The following PRKN variants were observed in gnomAD, a reference collection of about 807,000 sequenced individuals.
PRKN encodes parkin RBR E3 ubiquitin protein ligase, also known as E3 ubiquitin-protein ligase parkin.
In PRKN, 56 loss-of-function variants were observed where a neutral mutation model predicts 59.5. That is an observed-to-expected ratio of 0.94 (90% CI 0.76 to 1.18). The LOEUF (loss-of-function observed/expected upper bound fraction) is 1.18. Among genes scored for constraint, PRKN ranks in the 50% most tolerant of loss-of-function variants. The pLI, the probability that PRKN is intolerant of heterozygous loss-of-function variation, is 0.00. For missense variants in PRKN, 657 were observed against 596.4 expected (o/e 1.10, Z -1.06); for synonymous variants, 250 against 222.1 (o/e 1.13, Z -1.12).
chr6:162,539,788 CAAATT>C (rs750596659), intron 1 of PRKN, among the ~76,000 whole-genome samples: 10 of 152,214 alleles, frequency 6.6e-5, no homozygotes, highest in Non-Finnish European at 1.2e-4. Context: ...AGTAAACTCT[CAAATT>C]AAACAGTGAA....
At chr6:161,776,767 A>T (rs946753726) in intron 7 of PRKN, among the ~76,000 whole-genome samples, 4 of 152,234 alleles carry the variant, frequency 2.6e-5, no homozygotes, top group African/African-American at 7.2e-5. Flanking sequence ...AAGCAGGAGT[A>T]CGGAGCTCTG....
At chr6:161,658,015 C>CAAAA (rs60685690) in intron 7 of PRKN, among the ~76,000 whole-genome samples, 163 of 60,782 alleles carry the variant, frequency 2.7e-3, no homozygotes, top group African/African-American at 4.3e-3. Flanking sequence ...GACTCTGTCT[C>CAAAA]AAAAAAAAAA....
intron 7 of PRKN, among the ~76,000 whole-genome samples, chr6:161,714,207 A>G (rs998305880): frequency 8.5e-5 from 13 of 152,196 alleles, no homozygotes; most frequent in African/African-American, 2.9e-4. Context: ...GATGCTGAAA[A>G]GAGGGGAAGA....
intron 6 of PRKN, among the ~76,000 whole-genome samples, chr6:161,804,006 G>C (rs1462326522): frequency 6.6e-6 from 1 of 152,202 alleles, no homozygotes; most frequent in Non-Finnish European, 1.5e-5. Context: ...TCAGACACAT[G>C]GGGGGTGGCA....
chr6:162,134,163 A>G (rs1781480974), intron 4 of PRKN, among the ~76,000 whole-genome samples: 1 of 152,194 alleles, frequency 6.6e-6, no homozygotes, highest in Non-Finnish European at 1.5e-5. Context: ...CACATGGTCC[A>G]AGACAGCATG....
intron 4 of PRKN, among the ~76,000 whole-genome samples, chr6:162,198,089 A>C (rs1784568589): frequency 6.6e-6 from 1 of 152,192 alleles, no homozygotes; most frequent in South Asian, 2.1e-4. Context: ...AAGAGAGGAG[A>C]GGCCAACAGC....
At chr6:162,221,021 G>A (rs1050826775) in intron 3 of PRKN, among the ~76,000 whole-genome samples, 4 of 152,134 alleles carry the variant, frequency 2.6e-5, no homozygotes, top group Non-Finnish European at 4.4e-5. Context: ...AGTGAAGAGC[G>A]GAGAATGGTA....
intron 1 of PRKN, among the ~76,000 whole-genome samples, chr6:162,517,498 T>A (rs1358803787): frequency 6.6e-6 from 1 of 151,946 alleles, no homozygotes; most frequent in Non-Finnish European, 1.5e-5. Context: ...CCTTGTGATC[T>A]GCCCACTTCG....
At position 161,438,417 on chromosome 6, in the gene PRKN, C is replaced by T. The variant is rs1789031560; in HGVS notation, c.1084-51540G>A. 2.6e-5 allele frequency among the ~76,000 whole-genome samples: 4 copies of T among 151,848 alleles called. No individual in the cohort carries two copies. In the South Asian group the frequency reaches 8.3e-4, roughly 32 times the overall value. ...ATTTTTAGTAGAGATGGGGTTTCAC[C>T]ATGTTGGCCAAGATGGTCTCTGTCT... On this transcript the variant is annotated intron_variant, in intron 9 of 11. Coordinates refer to ENST00000366898, the MANE Select transcript of PRKN (RefSeq NM_004562.3).
At chr6:161,794,551 G>C (rs191565525) in intron 6 of PRKN, among the ~76,000 whole-genome samples, 1 of 152,068 alleles carries the variant, frequency 6.6e-6, no homozygotes, top group Non-Finnish European at 1.5e-5. Context: ...AACTAGTTTC[G>C]CAGTGCCCAT....
intron 1 of PRKN, among the ~76,000 whole-genome samples, chr6:162,643,305 G>T (rs1778033912): frequency 7.0e-6 from 1 of 142,550 alleles, no homozygotes; most frequent in South Asian, 2.1e-4. Flanking sequence ...GGCTGAGGCA[G>T]GAGAATTGCC....
chr6:162,314,884 C>T (rs553373845), intron 2 of PRKN, among the ~76,000 whole-genome samples: 6 of 152,032 alleles, frequency 3.9e-5, no homozygotes, highest in Admixed American at 2.0e-4. Flanking sequence ...AATCTGTATG[C>T]GTTTCACAGG....
intron 4 of PRKN, among the ~76,000 whole-genome samples, chr6:162,112,947 G>T (rs577685334): frequency 6.6e-6 from 1 of 152,076 alleles, no homozygotes; most frequent in African/African-American, 2.4e-5. Context: ...ACACCATGAC[G>T]TCCTGCATAT....
chr6:161,693,098 T>C (rs187152977), intron 7 of PRKN, among the ~76,000 whole-genome samples: 1 of 152,062 alleles, frequency 6.6e-6, no homozygotes, highest in Non-Finnish European at 1.5e-5. Flanking sequence ...AATAGATGTC[T>C]TTAGAATTAA....
chr6:162,041,607 G>C (rs563569487), intron 5 of PRKN, among the ~76,000 whole-genome samples: 3 of 152,090 alleles, frequency 2.0e-5, no homozygotes, highest in Non-Finnish European at 4.4e-5. Context: ...TCCACCTGTC[G>C]TATCTGTGAC....
At chr6:162,471,513 T>A (rs1041521747) in intron 1 of PRKN, among the ~76,000 whole-genome samples, 1 of 152,232 alleles carries the variant, frequency 6.6e-6, no homozygotes, top group African/African-American at 2.4e-5. Context: ...TTCTAACCTG[T>A]GGCTTCCACT....
chr6:161,854,288 C>A (rs1793556482), intron 6 of PRKN, among the ~76,000 whole-genome samples: 1 of 150,796 alleles, frequency 6.6e-6, no homozygotes, highest in African/African-American at 2.4e-5. Flanking sequence ...AAAAACAAAC[C>A]ACTAAAAATT....
chr6:161,864,828 G>A (rs542591916), intron 6 of PRKN, among the ~76,000 whole-genome samples: 3 of 151,518 alleles, frequency 2.0e-5, no homozygotes, highest in East Asian at 3.9e-4. Context: ...TAATTTTTTC[G>A]TATTTTTAGT....
At chr6:162,200,344 A>C (rs1784674175) in intron 4 of PRKN, among the ~76,000 whole-genome samples, 1 of 152,138 alleles carries the variant, frequency 6.6e-6, no homozygotes, top group African/African-American at 2.4e-5. Flanking sequence ...CTAAAGAACC[A>C]GTGAGTATGT....
Sources: allele counts gnomAD v4.1 joint callset (sites outside exome capture counted in the v4.1 genomes callset), GRCh38; gene constraint gnomAD v4.1.1; transcripts MANE v1.5; gene names NCBI Gene and HGNC (gene_info 2026-07-23, HGNC 2026-07-21).